Variants in TTC6 observed in about 807,000 individuals in gnomAD.
TTC6 encodes the protein tetratricopeptide repeat domain 6.
A neutral mutation model predicts 210.4 loss-of-function variants in TTC6; 172 were observed. The observed-to-expected ratio is 0.82, with a 90% CI of 0.72 to 0.93. The LOEUF (loss-of-function observed/expected upper bound fraction) is 0.93, where lower values mean the gene tolerates loss of function less well. Ranked by LOEUF, TTC6 falls within the 40% of genes least tolerant of loss-of-function variation. The probability of loss-of-function intolerance (pLI) is 0.00; values close to 1 mark genes in which losing one functional copy is unlikely to be tolerated. For synonymous variants in TTC6, 804 were observed against 819.6 expected, an observed-to-expected ratio of 0.98 and a Z score of 0.32; for missense variants, 2,414 against 2,318.1, an observed-to-expected ratio of 1.04 and a Z score of -0.85.
At chr14:37,632,201 G>C (rs1319961434) in intron 1 of TTC6, among the ~76,000 whole-genome samples, 1 of 152,148 alleles carries the variant, frequency 6.6e-6, no homozygotes. Flanking sequence ...AGGCGTTCTG[G>C]TTTTTGGAAT....
At chr14:37,841,886 A>G (rs1364119414) in intron 30 of TTC6, among the ~76,000 whole-genome samples, 2 of 152,194 alleles carry the variant, frequency 1.3e-5, no homozygotes, top group Non-Finnish European at 2.9e-5. Flanking sequence ...GAATTATTAC[A>G]AAACTATACA....
chr14:37,599,818 T>C (rs1250024773), intron 1 of TTC6, among the ~76,000 whole-genome samples: 3 of 152,156 alleles, frequency 2.0e-5, no homozygotes, highest in Non-Finnish European at 4.4e-5. Context: ...CAAACCTCCC[T>C]CGAGGCCCCC....
intron 1 of TTC6, among the ~76,000 whole-genome samples, chr14:37,629,654 G>A (rs1285409542): frequency 1.3e-5 from 2 of 152,190 alleles, no homozygotes; most frequent in East Asian, 3.8e-4. Flanking sequence ...TTGAATAGGA[G>A]GGGTGAGAGA....
chr14:37,632,328 G>T (rs177846), intron 1 of TTC6, among the ~76,000 whole-genome samples: 39,431 of 152,108 alleles, frequency 0.26, 5,763 homozygotes, highest in Non-Finnish European at 0.33. Context: ...TTGATGTTGA[G>T]GCTATTCTTT....
intron 1 of TTC6, among the ~76,000 whole-genome samples, chr14:37,626,877 C>A (rs928254583): frequency 6.6e-6 from 1 of 152,190 alleles, no homozygotes; most frequent in South Asian, 2.1e-4. Flanking sequence ...GCGCCACTCC[C>A]ACCCCACCAC....
intron 14 of TTC6, among the ~76,000 whole-genome samples, chr14:37,767,249 G>A (rs140236174): frequency 4.6e-5 from 7 of 152,180 alleles, no homozygotes; most frequent in South Asian, 2.1e-4. Flanking sequence ...GAATAATGCC[G>A]CAGTAAACAT....
At chr14:37,723,279 A>G (rs866904469) in intron 6 of TTC6, among the ~76,000 whole-genome samples, 112 of 152,220 alleles carry the variant, frequency 7.4e-4, no homozygotes, top group African/African-American at 2.6e-3. Flanking sequence ...ATTGGGGAAT[A>G]TAATTAAAAA....
chr14:37,725,213 A>G (rs1394498062), intron 7 of TTC6, among the ~76,000 whole-genome samples: 2 of 147,898 alleles, frequency 1.4e-5, no homozygotes, highest in East Asian at 3.9e-4. Context: ...ACATACTTAT[A>G]AATTTATAAT....
At chr14:37,838,645 A>G (rs936351006) in intron 29 of TTC6, among the ~76,000 whole-genome samples, 2 of 152,258 alleles carry the variant, frequency 1.3e-5, no homozygotes, top group East Asian at 3.9e-4. Context: ...TTTTGTACAC[A>G]AAGTGTTACT....
At chr14:37,726,321 C>T (rs1451339155) in intron 7 of TTC6, among the ~76,000 whole-genome samples, 1 of 152,160 alleles carries the variant, frequency 6.6e-6, no homozygotes, top group African/African-American at 2.4e-5. Flanking sequence ...TTCATGTATG[C>T]TGTTGCTTGA....
intron 1 of TTC6, among the ~76,000 whole-genome samples, chr14:37,673,418 A>G (rs569037574): frequency 6.6e-6 from 1 of 152,320 alleles, no homozygotes; most frequent in African/African-American, 2.4e-5. Context: ...ATCTAAAGGC[A>G]GTGCAGCTTG....
intron 1 of TTC6, among the ~76,000 whole-genome samples, chr14:37,675,043 C>T (rs904645852): frequency 1.3e-5 from 2 of 151,914 alleles, no homozygotes; most frequent in Non-Finnish European, 2.9e-5. Context: ...AAGTGCTCAT[C>T]ACATCCAATT....
chr14:37,800,912 A>G (rs778251200), intron 20 of TTC6, among the ~76,000 whole-genome samples: 2 of 152,198 alleles, frequency 1.3e-5, no homozygotes, highest in Non-Finnish European at 2.9e-5. Flanking sequence ...AAAACAACTC[A>G]GCTGCAAACA....
At chr14:37,841,345 T>C in intron 29 of TTC6, 100 bp from the exon 32 acceptor site, 1 of 960,412 alleles carries the variant, frequency 1.0e-6, no homozygotes, top group Non-Finnish European at 1.5e-6. Flanking sequence ...GACCTCTTGG[T>C]ATGCCACTGG....
intron 7 of TTC6, among the ~76,000 whole-genome samples, chr14:37,731,774 C>T (rs1475513134): frequency 6.6e-6 from 1 of 152,150 alleles, no homozygotes; most frequent in Non-Finnish European, 1.5e-5. Flanking sequence ...TTACACATAA[C>T]CTTTCTGTAT....
At chr14:37,701,185 G>A (rs1015973006) in intron 4 of TTC6, 147 bp from the exon 7 acceptor site, 2 of 529,272 alleles carry the variant, frequency 3.8e-6, no homozygotes, top group African/African-American at 2.0e-5. Flanking sequence ...TATTAAATTT[G>A]TTATATACCA....
At chr14:37,788,371 A>G (rs1190859882) in intron 15 of TTC6, among the ~76,000 whole-genome samples, 1 of 152,146 alleles carries the variant, frequency 6.6e-6, no homozygotes. Flanking sequence ...CTGGAATCCC[A>G]TCATCCTAGA....
At chr14:37,634,885 G>C (rs2139358217) in intron 1 of TTC6, among the ~76,000 whole-genome samples, 1 of 152,252 alleles carries the variant, frequency 6.6e-6, no homozygotes, top group East Asian at 1.9e-4. Context: ...AATTTCCTAA[G>C]AATGAAGGGG....
At chr14:37,641,109 A>G (rs968550711) in intron 1 of TTC6, among the ~76,000 whole-genome samples, 1 of 152,244 alleles carries the variant, frequency 6.6e-6, no homozygotes, top group African/African-American at 2.4e-5. Flanking sequence ...TAAAGTTGAT[A>G]TTAGAGCTTA....
Sources: gnomAD v4.1 joint callset for allele counts (sites outside exome capture counted in the v4.1 genomes callset) on GRCh38, gnomAD v4.1.1 for gene constraint, MANE v1.5 for transcripts, NCBI Gene and HGNC (gene_info 2026-07-23, HGNC 2026-07-21) for gene names.